MICAL3: variants seen among roughly 807,000 people sequenced by gnomAD.
MICAL3 encodes [F-actin]-monooxygenase MICAL3.
A neutral mutation model predicts 207.4 loss-of-function variants in MICAL3; 62 were observed. That is an observed-to-expected ratio of 0.30 (90% CI 0.24 to 0.37). The LOEUF (loss-of-function observed/expected upper bound fraction) is 0.37, where lower values mean the gene tolerates loss of function less well. MICAL3 is among the 10% of genes least tolerant of loss of function. The pLI, the probability that MICAL3 is intolerant of heterozygous loss-of-function variation, is 1.00. For missense variants in MICAL3, 2,368 were observed against 2,635.6 expected, an observed-to-expected ratio of 0.90 and a Z score of 2.22; for synonymous variants, 1,077 against 1,069.3, an observed-to-expected ratio of 1.01 and a Z score of -0.14.
In MICAL3 at chr22:17,817,374, T is replaced by G. The variant is rs1601960670; in HGVS notation, c.5287A>C (p.Thr1763Pro). Residue 1763 changes from threonine (T) to proline (P), a missense_variant, in exon 26 of 32, where the codon ACC becomes CCC. By Grantham distance (38) the Thr-to-Pro change is conservative. This residue lies in a region of MICAL3 where 1,770 missense variants were observed against 1,863.2 expected (regional missense o/e 0.95). Transcript: ENST00000441493. ...TCCACCGTGGCCCCGCTGGAGGGGG[T>G]GCTGGGGCAGGACTTGTCGTCGGCC... ...KKADDKSCPSTPSSGATVDSG... is the reference protein window; with the variant it reads ...KKADDKSCPSPPSSGATVDSG... The G allele has an allele frequency of 1.2e-6, 2 of 1,611,880 alleles. No individual in the cohort carries two copies. The highest frequency in any genetic ancestry group is 1.7e-6 in the Non-Finnish European group (2 of 1,179,466).
At chr22:17,976,576 TATATA>T (rs1447522090) in intron 1 of MICAL3, among the ~76,000 whole-genome samples, 16 of 97,970 alleles carry the variant, frequency 1.6e-4, no homozygotes, top group African/African-American at 7.4e-4. Context: ...TATATATATA[TATATA>T]TATATATATT....
chr22:17,964,909 A>C (rs1935075139), intron 1 of MICAL3, among the ~76,000 whole-genome samples: 1 of 152,234 alleles, frequency 6.6e-6, no homozygotes, highest in Non-Finnish European at 1.5e-5. Context: ...TGCTGACCGT[A>C]AGCGCACTGC....
At chr22:17,870,176 C>A (rs1306741814) in intron 17 of MICAL3, among the ~76,000 whole-genome samples, 2 of 152,196 alleles carry the variant, frequency 1.3e-5, no homozygotes, top group African/African-American at 4.8e-5. Flanking sequence ...ATACTGCACT[C>A]AACCAGGCTG....
chr22:17,847,059 T>C (rs1439308961), intron 19 of MICAL3, among the ~76,000 whole-genome samples: 1 of 152,308 alleles, frequency 6.6e-6, no homozygotes, highest in East Asian at 1.9e-4. Context: ...ACCTGACTCC[T>C]GGAGAGGCAT....
chr22:17,884,502 C>G (rs1929709980), intron 16 of MICAL3: 1 of 617,848 alleles, frequency 1.6e-6, no homozygotes, highest in African/African-American at 2.0e-5. Flanking sequence ...GGGACTCATT[C>G]TTAGAAAGTT....
intron 17 of MICAL3, 45 bp downstream of exon 17, chr22:17,871,792 C>A: frequency 6.5e-7 from 1 of 1,539,094 alleles, no homozygotes; most frequent in South Asian, 1.2e-5. Context: ...GAAACACTGT[C>A]CAAGCACAGT....
intron 11 of MICAL3, 118 bp from the exon 12 acceptor site, chr22:17,891,750 G>A (rs2146233979): frequency 1.2e-6 from 1 of 847,654 alleles, no homozygotes; most frequent in East Asian, 2.7e-5. Context: ...GGACGAAACA[G>A]TCAACACTAG....
rs1602175116 is a variant in MICAL3, at chr22:17,898,492, C to T, written c.948+956G>A. Among the ~76,000 whole-genome samples the T allele has an allele frequency of 1.3e-5, 2 of 152,340 alleles. 1 individual carries two copies. The highest frequency in any genetic ancestry group is 6.8e-3 in the Middle Eastern group (2 of 294). On this transcript the variant is annotated intron_variant, in intron 7 of 31. Coordinates refer to ENST00000441493, the MANE Select transcript of MICAL3 (RefSeq NM_015241.3). ...CCACCGGCACATGCTCGTCAGCTCA[C>T]TCCCCGCTCTGCTGTCATATAAGGT...
intron 19 of MICAL3, among the ~76,000 whole-genome samples, chr22:17,856,209 C>G (rs796594059): frequency 2.0e-4 from 30 of 152,358 alleles, no homozygotes; most frequent in African/African-American, 7.0e-4. Context: ...CAACATCAGT[C>G]ACATGTGGGG....
chr22:17,808,523 A>G (rs1192100654), intron 29 of MICAL3, among the ~76,000 whole-genome samples: 1 of 152,132 alleles, frequency 6.6e-6, no homozygotes, highest in Non-Finnish European at 1.5e-5. Context: ...CCTCACTCCC[A>G]GTTATTCCCT....
At chr22:18,011,795 G>A (rs1255775246) in intron 1 of MICAL3, among the ~76,000 whole-genome samples, 1 of 150,416 alleles carries the variant, frequency 6.6e-6, no homozygotes, top group East Asian at 1.9e-4. Context: ...GGGAGGCTGA[G>A]GCAGGAGAAT....
intron 1 of MICAL3, among the ~76,000 whole-genome samples, chr22:17,967,626 G>A (rs1935209776): frequency 6.6e-6 from 1 of 152,190 alleles, no homozygotes; most frequent in South Asian, 2.1e-4. Flanking sequence ...TAAAAATGAG[G>A]ACCAGGTGTG....
chr22:17,881,281 C>T (rs757785202), intron 16 of MICAL3: 10 of 1,609,566 alleles, frequency 6.2e-6, no homozygotes, highest in East Asian at 2.2e-5. Context: ...GGGGCAGGTC[C>T]GAGAACACTC....
rs1180626441 is a variant in MICAL3 at position 18,012,154 on chromosome 22, G to C, written c.-75+12127C>G. ...GGAGGCTGAGGCAGAAGAATCACTT[G>C]AACTTGGGAGACGAAGTTTGCAGTG... On this transcript the variant is annotated intron_variant, in intron 1 of 31. Coordinates refer to ENST00000441493, the MANE Select transcript of MICAL3 (RefSeq NM_015241.3). Among the ~76,000 whole-genome samples, 7 of 152,100 alleles carry C rather than the reference G, an allele frequency of 4.6e-5. 1 individual carries two copies. The South Asian group carries it at 1.4e-3, about 31-fold the overall frequency.
At position 17,944,161 on chromosome 22, in the gene MICAL3, A is replaced by G. The variant is rs566230372; in HGVS notation, c.-74-37275T>C. On this transcript the variant is annotated intron_variant, in intron 1 of 31. Coordinates refer to ENST00000441493, the MANE Select transcript of MICAL3 (RefSeq NM_015241.3). ...GGTTCCACTCCAGTGGAGAGAGAGA[A>G]AAAGACTTTGGTTGACATGGACATC... Among the ~76,000 whole-genome samples the G allele has an allele frequency of 2.8e-4, 43 of 152,256 alleles. 1 individual carries two copies. The highest frequency in any genetic ancestry group is 2.4e-3 in the Admixed American group (37 of 15,278).
At chr22:17,995,637 C>T (rs978356080) in intron 1 of MICAL3, among the ~76,000 whole-genome samples, 6 of 151,326 alleles carry the variant, frequency 4.0e-5, no homozygotes, top group Non-Finnish European at 8.8e-5. Flanking sequence ...TCCTGAGTAG[C>T]TGGGAATACA....
At chr22:17,891,385 G>A (rs1380796923) in intron 12 of MICAL3, 100 bp downstream of exon 12, 2 of 1,042,738 alleles carry the variant, frequency 1.9e-6, no homozygotes, top group Non-Finnish European at 2.9e-6. Flanking sequence ...ATCTTACTAT[G>A]TACCTCATTC....
intron 1 of MICAL3, among the ~76,000 whole-genome samples, chr22:17,989,247 C>T (rs1427221444): frequency 6.6e-6 from 1 of 152,172 alleles, no homozygotes; most frequent in East Asian, 1.9e-4. Context: ...CTGCCTTCCA[C>T]CGCTAAGCCT....
intron 29 of MICAL3, among the ~76,000 whole-genome samples, chr22:17,792,704 G>A (rs1601908222): frequency 6.6e-6 from 1 of 152,228 alleles, no homozygotes; most frequent in Non-Finnish European, 1.5e-5. Flanking sequence ...GTTAGTGTCT[G>A]TACTGTGCCC....
Sources: allele counts gnomAD v4.1 joint callset (sites outside exome capture counted in the v4.1 genomes callset), GRCh38; gene constraint gnomAD v4.1.1; regional missense constraint gnomAD v4.1.1; transcripts MANE v1.5; gene names NCBI Gene and HGNC (gene_info 2026-07-23, HGNC 2026-07-21).